The following CDRT4 variants were observed in gnomAD, a reference collection of about 807,000 sequenced individuals.
CDRT4 encodes CMT1A duplicated region transcript 4 protein.
For missense variants in CDRT4, 167 were observed against 193.1 expected (o/e 0.87, Z 0.80); for synonymous variants, 64 against 69.6 (o/e 0.92, Z 0.40).
rs747109073 is a variant in CDRT4, at chr17:15,437,788, A to G, written c.444T>C (p.Pro148=). The G allele has an allele frequency of 1.2e-6, 2 of 1,613,966 alleles. No homozygotes were observed. The highest frequency in any genetic ancestry group is 1.3e-5 in the African/African-American group (1 of 74,938). The stretch of plus-strand genomic sequence containing the variant: ...TCCTTGTTGGTCAGTAGCGAACTGT[A>G]GGGAGCATCCTCATCATAGGCTTGC... ...FARKPMMRML[P]TVRY is the part of the protein sequence containing the mutation. The change falls in exon 4 of 4, where the codon CCT becomes CCC. Residue 148 remains proline, a synonymous_variant. Transcript: ENST00000619038.
Position 15,439,713 on chromosome 17 carries a change from G to T in CDRT4, c.31+495C>A, listed in dbSNP as rs139125093. Among the ~76,000 whole-genome samples, 717 of 152,258 alleles carry T rather than the reference G, an allele frequency of 4.7e-3. 4 individuals are homozygous for T. The highest frequency in any genetic ancestry group is 0.015 in the African/African-American group (604 of 41,534). ...CCAAATGTCCAACAATGATAGACTG[G>T]ATTAAGAAAATGTGGCACATACACA... On this transcript the variant is annotated intron_variant, in intron 3 of 3. Coordinates refer to ENST00000619038, the MANE Select transcript of CDRT4 (RefSeq NM_001204477.2).
Position 15,438,065 on chromosome 17 carries a change from C to T in CDRT4, c.167G>A (p.Arg56His), listed in dbSNP as rs140524456. 279 of 1,614,126 alleles carry T rather than the reference C, an allele frequency of 1.7e-4. 1 individual carries two copies. The African/African-American group carries it at 2.8e-3, about 16-fold the overall frequency. ...TGCCCAGGGTCTTTCCTCGAGGGCA[C>T]GCATGCATTCCAGTTCTCTAGTTTT... is the stretch of plus-strand genomic sequence containing the variant. ...KSKTRELECM[R>H]ALEERPWASR... Residue 56 changes from arginine to histidine, a missense_variant, in exon 4 of 4, where the codon CGT becomes CAT. Transcript: ENST00000619038.
intron 1 of CDRT4, among the ~76,000 whole-genome samples, chr17:15,462,034 G>A (rs746177241): frequency 2.0e-5 from 3 of 152,142 alleles, no homozygotes; most frequent in Non-Finnish European, 4.4e-5. Flanking sequence ...AGTAGCAGGA[G>A]GCCAGGCTGC....
intron 1 of CDRT4, among the ~76,000 whole-genome samples, chr17:15,459,704 C>A (rs769997157): frequency 6.6e-6 from 1 of 152,074 alleles, no homozygotes; most frequent in South Asian, 2.1e-4. Context: ...CCTCGGCCTC[C>A]CAAAGTGCTG....
intron 2 of CDRT4, among the ~76,000 whole-genome samples, chr17:15,443,305 G>A (rs1036522945): frequency 6.7e-6 from 1 of 149,898 alleles, no homozygotes; most frequent in African/African-American, 2.5e-5. Context: ...TTAGAGACAG[G>A]GCCTCACTCT....
chr17:15,454,116 G>A (rs1320944195), intron 1 of CDRT4, among the ~76,000 whole-genome samples: 1 of 152,204 alleles, frequency 6.6e-6, no homozygotes. Flanking sequence ...GGAAGGGACT[G>A]AAGTCATGGG....
chr17:15,464,000 C>T (rs1185459552), intron 1 of CDRT4, among the ~76,000 whole-genome samples: 1 of 152,148 alleles, frequency 6.6e-6, no homozygotes, highest in East Asian at 1.9e-4. Flanking sequence ...AAGCAAGTAA[C>T]AGAGTCAGAA....
chr17:15,459,739 C>A (rs911159729), intron 1 of CDRT4, among the ~76,000 whole-genome samples: 2 of 152,188 alleles, frequency 1.3e-5, no homozygotes, highest in Non-Finnish European at 2.9e-5. Flanking sequence ...AGCCACCGTG[C>A]CCAGCCTCTA....
intron 1 of CDRT4, among the ~76,000 whole-genome samples, chr17:15,467,086 A>G (rs1245817279): frequency 6.6e-6 from 1 of 152,064 alleles, no homozygotes; most frequent in East Asian, 1.9e-4. Flanking sequence ...ACGGGGGTAT[A>G]TTTTGTGTGT....
chr17:15,455,512 T>A (rs1360988108), intron 1 of CDRT4, among the ~76,000 whole-genome samples: 3 of 152,250 alleles, frequency 2.0e-5, no homozygotes, highest in African/African-American at 7.2e-5. Context: ...CTGCATCTAA[T>A]GACTCACTTC....
chr17:15,453,753 T>C (rs923193792), intron 1 of CDRT4, among the ~76,000 whole-genome samples: 1 of 152,182 alleles, frequency 6.6e-6, no homozygotes, highest in African/African-American at 2.4e-5. Context: ...TAGCATGGAA[T>C]TCAGAGCACG....
intron 1 of CDRT4, among the ~76,000 whole-genome samples, chr17:15,454,330 T>A (rs2150794282): frequency 6.6e-6 from 1 of 152,284 alleles, no homozygotes; most frequent in Non-Finnish European, 1.5e-5. Context: ...TGCAGCCACA[T>A]ACATACACAT....
At chr17:15,461,840 T>G (rs894140691) in intron 1 of CDRT4, among the ~76,000 whole-genome samples, 4 of 152,182 alleles carry the variant, frequency 2.6e-5, no homozygotes, top group Non-Finnish European at 5.9e-5. Context: ...AGGTTTCATT[T>G]TGAATAATAA....
chr17:15,446,870 C>T (rs1979050523), intron 2 of CDRT4, among the ~76,000 whole-genome samples: 1 of 152,166 alleles, frequency 6.6e-6, no homozygotes, highest in Admixed American at 6.5e-5. Context: ...ACGTTGAGGG[C>T]ATTTTATTTT....
chr17:15,447,458 G>T (rs545138773), intron 2 of CDRT4, among the ~76,000 whole-genome samples: 2 of 152,334 alleles, frequency 1.3e-5, no homozygotes, highest in African/African-American at 4.8e-5. Flanking sequence ...CCCCACTCGG[G>T]ATCCATGTTC....
Position 15,437,599 on chromosome 17 carries a change from T to C in CDRT4, c.*174A>G. On this transcript the variant is annotated 3_prime_UTR_variant, in exon 4 of 4. Transcript: ENST00000619038. ...GAGGGGACACACTCACCCACCCACC[T>C]ACAGCTTGCATTCTGATCTGGTTTC... 3 of 677,186 alleles carry C rather than the reference T, an allele frequency of 4.4e-6. No individual in the cohort carries two copies. In the South Asian group the frequency reaches 5.9e-5, roughly 13 times the overall value. The allele number at this position is 677,186 out of a possible 1,614,324, so 41.9% of individuals were successfully genotyped here. A position where few individuals can be genotyped will look rare whatever the true frequency, so the allele number is the denominator to read the frequency against.
chr17:15,446,350 G>C (rs7215792), intron 2 of CDRT4, among the ~76,000 whole-genome samples: 1,597 of 152,144 alleles, frequency 0.01, 36 homozygotes, highest in African/African-American at 0.037. Context: ...CTAACAAATG[G>C]GTTCTGCGGG....
intron 2 of CDRT4, among the ~76,000 whole-genome samples, chr17:15,442,222 C>A (rs1394033968): frequency 6.6e-6 from 1 of 152,214 alleles, no homozygotes; most frequent in East Asian, 1.9e-4. Flanking sequence ...ATCAGCCTGG[C>A]TAACATGGTG....
At chr17:15,444,177 C>CCGATG in intron 2 of CDRT4, 1 of 1,127,702 alleles carries the variant, frequency 8.9e-7, no homozygotes, top group Non-Finnish European at 1.3e-6. Flanking sequence ...AACTGTTCAG[C>CCGATG]AGGCCGATGA....
Sources: gnomAD v4.1 joint callset for allele counts (sites outside exome capture counted in the v4.1 genomes callset) on GRCh38, gnomAD v4.1.1 for gene constraint, MANE v1.5 for transcripts, NCBI Gene and HGNC (gene_info 2026-07-23, HGNC 2026-07-21) for gene names.